FAM117A: variants seen among roughly 807,000 people sequenced by gnomAD.
FAM117A encodes the protein protein FAM117A.
A neutral mutation model predicts 44.1 loss-of-function variants in FAM117A; 21 were observed. The ratio of observed to expected loss-of-function variants is 0.48; its 90% CI spans 0.34 to 0.69. The LOEUF (loss-of-function observed/expected upper bound fraction) is 0.69, where lower values mean the gene tolerates loss of function less well. Ranked by LOEUF, FAM117A falls within the 30% of genes least tolerant of loss-of-function variation. The pLI is 0.01. For synonymous variants in FAM117A, 220 were observed against 238.3 expected (o/e 0.92, Z 0.71); for missense variants, 498 against 589.9 (o/e 0.84, Z 1.61).
chr17:49,758,893 C>G (rs2073711132), intron 1 of FAM117A, among the ~76,000 whole-genome samples: 2 of 152,030 alleles, frequency 1.3e-5, no homozygotes, highest in South Asian at 2.1e-4. Context: ...TCTAACAGTT[C>G]TTCTAAGATC....
intron 1 of FAM117A, among the ~76,000 whole-genome samples, chr17:49,761,620 A>G (rs886799141): frequency 6.6e-6 from 1 of 152,206 alleles, no homozygotes; most frequent in Non-Finnish European, 1.5e-5. Flanking sequence ...TCCAGCTCCC[A>G]GTGCCAATCT....
intron 4 of FAM117A, 53 bp downstream of exon 4, chr17:49,720,273 G>T: frequency 4.2e-6 from 6 of 1,422,364 alleles, no homozygotes; most frequent in African/African-American, 1.4e-5. Flanking sequence ...GCCCATATAG[G>T]GGGGCCTGCA....
intron 1 of FAM117A, among the ~76,000 whole-genome samples, chr17:49,773,045 A>G (rs1272427348): frequency 6.7e-6 from 1 of 149,412 alleles, no homozygotes; most frequent in Non-Finnish European, 1.5e-5. Flanking sequence ...GTGGCTCACA[A>G]CTGTAATCCC....
intron 1 of FAM117A, among the ~76,000 whole-genome samples, chr17:49,782,915 T>C (rs924735505): frequency 8.5e-5 from 13 of 152,296 alleles, no homozygotes; most frequent in African/African-American, 3.1e-4. Context: ...TTCTGGCCAA[T>C]GCCTAGCACC....
chr17:49,720,541 T>C (rs569835546), intron 3 of FAM117A, 105 bp from the exon 4 acceptor site: 5 of 780,920 alleles, frequency 6.4e-6, no homozygotes, highest in South Asian at 4.6e-5. Context: ...TGAAGATATA[T>C]ACAAGGAGGA....
intron 1 of FAM117A, among the ~76,000 whole-genome samples, chr17:49,745,913 A>C (rs1448814870): frequency 1.3e-5 from 2 of 152,260 alleles, no homozygotes; most frequent in Non-Finnish European, 2.9e-5. Context: ...AAAATGGACT[A>C]AATGACATCT....
chr17:49,745,054 A>G (rs1290808692), intron 1 of FAM117A, among the ~76,000 whole-genome samples: 1 of 151,668 alleles, frequency 6.6e-6, no homozygotes, highest in Non-Finnish European at 1.5e-5. Flanking sequence ...CACAAGAAAA[A>G]ATAAGTCTGT....
rs1332767146 is a variant in FAM117A at position 49,732,433 on chromosome 17, T to C, written c.366+118A>G. ...AAGATAAAACATTACATGGATAATATGTACGACCAAAACCCAAGACAAATC... is the reference window on the plus strand; with the variant it reads ...AAGATAAAACATTACATGGATAATACGTACGACCAAAACCCAAGACAAATC... On this transcript the variant is annotated intron_variant, in intron 2 of 7. Transcript: ENST00000240364. 8.6e-6 allele frequency: 8 copies of C among 934,128 alleles called. No individual in the cohort carries two copies. The East Asian group carries it at 1.8e-4, about 21-fold the overall frequency. 57.9% of individuals were successfully genotyped at this position (934,128 alleles called of 1,614,324 possible).
intron 1 of FAM117A, among the ~76,000 whole-genome samples, chr17:49,784,219 T>C (rs1259442238): frequency 6.6e-6 from 1 of 152,208 alleles, no homozygotes; most frequent in Non-Finnish European, 1.5e-5. Context: ...GGCAAGAGAC[T>C]GATACAAGTA....
upstream of FAM117A, among the ~76,000 whole-genome samples, chr17:49,765,081 G>A (rs892164289): frequency 9.9e-5 from 15 of 152,214 alleles, no homozygotes; most frequent in African/African-American, 3.6e-4. Context: ...GAGAATGCAT[G>A]CAGTTGTGAA....
At chr17:49,785,006 T>A (rs758785405) in intron 1 of FAM117A, among the ~76,000 whole-genome samples, 25 of 152,234 alleles carry the variant, frequency 1.6e-4, no homozygotes, top group Non-Finnish European at 3.2e-4. Flanking sequence ...ACTGAGACCA[T>A]GTAAATATAT....
rs76117975 is a variant in FAM117A, at chr17:49,717,554, C to T, written c.869G>A (p.Arg290Gln). 28 of 1,614,098 alleles carry T rather than the reference C, an allele frequency of 1.7e-5. No homozygotes were observed. In the East Asian group the frequency reaches 5.1e-4, roughly 30 times the overall value. The change falls in exon 6 of 8, where the codon CGG becomes CAG. Residue 290 changes from arginine to glutamine, a missense_variant. By Grantham distance (43) the Arg-to-Gln change is conservative. Transcript: ENST00000240364. ...PCGLASHEEH[R>Q]GAAEELASTP... is the part of the protein sequence containing the mutation. ...GGATGCCAGCTCCTCGGCGGCACCC[C>T]GATGTTCCTCATGACTGGCCAGGCC...
At chr17:49,773,174 G>A (rs181779356) in intron 1 of FAM117A, among the ~76,000 whole-genome samples, 63 of 152,228 alleles carry the variant, frequency 4.1e-4, no homozygotes, top group African/African-American at 1.4e-3. Context: ...GCGTGGTGGT[G>A]GGCGCCTATA....
intron 2 of FAM117A, among the ~76,000 whole-genome samples, chr17:49,727,906 G>A (rs1187988351): frequency 6.6e-6 from 1 of 152,208 alleles, no homozygotes; most frequent in African/African-American, 2.4e-5. Flanking sequence ...GCAGCATGGT[G>A]CCTGGCCTGG....
At chr17:49,717,769 A>G (rs1308637951) in intron 5 of FAM117A, 55 bp from the exon 6 acceptor site, 15 of 1,441,270 alleles carry the variant, frequency 1.0e-5, no homozygotes, top group Non-Finnish European at 1.4e-5. Flanking sequence ...GGCCTGCAGC[A>G]GCACAGTGAC....
At chr17:49,757,195 C>T (rs991690744) in intron 1 of FAM117A, among the ~76,000 whole-genome samples, 1 of 151,872 alleles carries the variant, frequency 6.6e-6, no homozygotes, top group African/African-American at 2.4e-5. Context: ...CTGTCCTCCA[C>T]CCCCCCAGCA....
chr17:49,722,936 T>C (rs2073542165), intron 2 of FAM117A, among the ~76,000 whole-genome samples: 1 of 152,200 alleles, frequency 6.6e-6, no homozygotes, highest in Non-Finnish European at 1.5e-5. Flanking sequence ...TCCAAGAGAA[T>C]ATAGGCTCAG....
chr17:49,787,375 T>C (rs1567842081), intron 1 of FAM117A, among the ~76,000 whole-genome samples: 1 of 152,244 alleles, frequency 6.6e-6, no homozygotes, highest in South Asian at 2.1e-4. Context: ...GTATTTATAC[T>C]AAGCACTAAA....
chr17:49,738,924 A>G lies in FAM117A; in HGVS notation c.197-6204T>C, dbSNP rs570426069. 3.1e-4 allele frequency among the ~76,000 whole-genome samples: 47 copies of G among 152,336 alleles called. 1 individual carries two copies. Among genetic ancestry groups the G allele is most frequent in the Non-Finnish European group, 6.0e-4 (41 of 68,032 alleles). ...ATCAAAATTGGTTAAGGGCTAAACC[A>G]AGGTGTCAAACTTCCCCCAAATGCA... On this transcript the variant is annotated intron_variant, in intron 1 of 7. Transcript: ENST00000240364.
Sources: gnomAD v4.1 joint callset for allele counts (sites outside exome capture counted in the v4.1 genomes callset) on GRCh38, gnomAD v4.1.1 for gene constraint, MANE v1.5 for transcripts, NCBI Gene and HGNC (gene_info 2026-07-23, HGNC 2026-07-21) for gene names.